The following TSC1 variants were observed in gnomAD, a reference collection of about 807,000 sequenced individuals.
The protein encoded by TSC1 is hamartin.
TSC1 carries 20 observed loss-of-function variants against 124.3 expected under a neutral mutation model. The ratio of observed to expected loss-of-function variants is 0.16; its 90% CI spans 0.11 to 0.23. The LOEUF (loss-of-function observed/expected upper bound fraction) is 0.23. TSC1 is among the 10% of genes least tolerant of loss of function. TSC1 has a pLI of 1.00. For synonymous variants in TSC1, 493 were observed against 539.1 expected (o/e 0.91, Z 1.19); for missense variants, 1,124 against 1,448.5 (o/e 0.78, Z 3.64).
intron 9 of TSC1, among the ~76,000 whole-genome samples, chr9:132,912,050 C>T (rs138950193): frequency 1.3e-5 from 2 of 152,254 alleles, no homozygotes; most frequent in East Asian, 1.9e-4. Context: ...GTTGGAGACA[C>T]GTCACCAACT....
rs572231078 is a variant in TSC1, at chr9:132,892,399, C to G, written c.*3836G>C. On this transcript the variant is annotated 3_prime_UTR_variant, in exon 23 of 23. Transcript: ENST00000298552. ...GGATACATTTTTCCAATACTTGTTGCGGGTCGGTTTTAAAGCATGTACCCT... is the reference window on the plus strand; with the variant it reads ...GGATACATTTTTCCAATACTTGTTGGGGGTCGGTTTTAAAGCATGTACCCT... The G allele has an allele frequency of 4.3e-6, 1 of 233,186 alleles. No homozygotes were observed. The highest frequency in any genetic ancestry group is 8.5e-6 in the Non-Finnish European group (1 of 118,076). 14.4% of individuals were successfully genotyped at this position (233,186 alleles called of 1,614,324 possible).
At chr9:132,941,582 TAC>T (rs1847740543) in intron 1 of TSC1, 1 of 152,238 alleles carries the variant, frequency 6.6e-6, no homozygotes, top group African/African-American at 2.4e-5. Flanking sequence ...CGCTATTAAG[TAC>T]ACTTTTCTTT....
intron 1 of TSC1, chr9:132,944,084 C>T (rs1847907721): frequency 6.5e-6 from 1 of 153,018 alleles, no homozygotes; most frequent in African/African-American, 2.4e-5. Flanking sequence ...TCCATTCATT[C>T]TCCACGCCCC....
chr9:132,919,087 G>T (rs544791986), intron 8 of TSC1, among the ~76,000 whole-genome samples: 32 of 152,188 alleles, frequency 2.1e-4, no homozygotes, highest in Non-Finnish European at 3.7e-4. Flanking sequence ...TAGGCTCCTA[G>T]GCTACAAACC....
chr9:132,944,682 T>C (rs1231201174), upstream of TSC1: 2 of 398,290 alleles, frequency 5.0e-6, no homozygotes, highest in African/African-American at 4.1e-5. Flanking sequence ...AGAGTCCCCC[T>C]CCGGACCTCC....
chr9:132,907,193 T>A, intron 13 of TSC1, 108 bp downstream of exon 13: 1 of 919,736 alleles, frequency 1.1e-6, no homozygotes, highest in South Asian at 1.4e-5. Flanking sequence ...GGCCTCAGTA[T>A]TTTGGATATC....
At position 132,923,516 on chromosome 9, in the gene TSC1, G is replaced by C. The variant is rs1450307484; in HGVS notation, c.364-24C>G. The C allele has an allele frequency of 6.2e-7, 1 of 1,613,968 alleles. No individual in the cohort carries two copies. The highest frequency in any genetic ancestry group is 8.5e-7 in the Non-Finnish European group (1 of 1,179,876). On this transcript the variant is annotated intron_variant, in intron 5 of 22. Transcript: ENST00000298552. This position sits in a 1 kb window ranked among gnomAD's most constrained non-coding sequence, Gnocchi z 4.2. The stretch of plus-strand genomic sequence containing the variant: ...ATCTGCAGGAGAAAAGGTCAAACAG[G>C]AAACGTCTGTCAGGCACTGGCACCA...
At chr9:132,920,386 G>A (rs1345755608) in intron 8 of TSC1, among the ~76,000 whole-genome samples, 7 of 152,178 alleles carry the variant, frequency 4.6e-5, no homozygotes, top group Non-Finnish European at 8.8e-5. Flanking sequence ...TGAGGTAGTA[G>A]GGAGAAAAGA....
intron 8 of TSC1, among the ~76,000 whole-genome samples, chr9:132,919,254 A>G (rs1017182250): frequency 1.3e-5 from 2 of 152,232 alleles, no homozygotes; most frequent in Non-Finnish European, 2.9e-5. Flanking sequence ...ATTGACTGAA[A>G]TGTCATTATG....
At chr9:132,933,551 A>G (rs1019133278) in intron 2 of TSC1, among the ~76,000 whole-genome samples, 2 of 152,212 alleles carry the variant, frequency 1.3e-5, no homozygotes, top group African/African-American at 4.8e-5. Flanking sequence ...CCCAGGTACA[A>G]GGTTCCTTCC....
At position 132,895,939 on chromosome 9, in the gene TSC1, G is replaced by C. The variant is rs956573450; in HGVS notation, c.*296C>G. The C allele has an allele frequency of 2.7e-4, 120 of 451,686 alleles. No individual in the cohort carries two copies. The highest frequency in any genetic ancestry group is 1.9e-3 in the African/African-American group (96 of 50,152). The allele number at this position is 451,686 out of a possible 1,614,324, so 28.0% of individuals were successfully genotyped here. ...ACAGGTTCAAAGGACGCAACCATTT[G>C]GGGGGGAAAGGAAGAAAGTAAAGCT... On this transcript the variant is annotated 3_prime_UTR_variant, in exon 23 of 23. Coordinates refer to ENST00000298552, the MANE Select transcript of TSC1 (RefSeq NM_000368.5).
chr9:132,930,063 C>T (rs575216893), intron 2 of TSC1, among the ~76,000 whole-genome samples: 1 of 152,248 alleles, frequency 6.6e-6, no homozygotes, highest in African/African-American at 2.4e-5. Flanking sequence ...GATAACACTT[C>T]CTTTTCTTTC....
At position 132,904,411 on chromosome 9, in the gene TSC1, C is replaced by T. The variant is rs118203624; in HGVS notation, c.2041G>A (p.Gly681Ser). 6.2e-7 allele frequency: 1 copy of T among 1,613,990 alleles called. No homozygotes were observed. The highest frequency in any genetic ancestry group is 8.5e-7 in the Non-Finnish European group (1 of 1,179,984). Reference protein sequence around the residue: ...SKSVDWTHFGGSPPSDEIRTL... With the variant: ...SKSVDWTHFGSSPPSDEIRTL... ...TTTGGAGCTAAAGTAACAACTTTACCTCCAAAGTGGGTCCAGTCGACAGAC... is the reference window on the plus strand; with the variant it reads ...TTTGGAGCTAAAGTAACAACTTTACTTCCAAAGTGGGTCCAGTCGACAGAC... The change falls in exon 16 of 23, where the codon GGC becomes AGC. Residue 681 changes from glycine (G) to serine (S), a missense_variant and splice_region_variant. Coordinates refer to ENST00000298552, the MANE Select transcript of TSC1 (RefSeq NM_000368.5).
chr9:132,938,094 T>G (rs1457087200), intron 1 of TSC1, among the ~76,000 whole-genome samples: 1 of 152,254 alleles, frequency 6.6e-6, no homozygotes, highest in East Asian at 1.9e-4. Context: ...ATAATGGTAC[T>G]AAATTGGTAG....
chr9:132,943,868 C>T (rs950824488), intron 1 of TSC1: 3 of 152,210 alleles, frequency 2.0e-5, no homozygotes, highest in Admixed American at 1.3e-4. Context: ...CGATTGCAGG[C>T]TCTTCATCCT....
chr9:132,905,711 T>C lies in TSC1; in HGVS notation c.1867A>G (p.Lys623Glu). Residue 623 changes from lysine (K) to glutamate (E), a missense_variant, in exon 15 of 23, where the codon AAG becomes GAG. Physicochemically the swap from Lys to Glu is moderately conservative, Grantham distance 56 (BLOSUM62 1). Coordinates refer to ENST00000298552, the MANE Select transcript of TSC1 (RefSeq NM_000368.5). ...GCTTTCTTTAACAGCTCCTCAGTCT[T>C]CCTGATGACAAAATGATGGGCTGTC... ...PKTAHHFVIR[K>E]TEELLKKAKG... 1 of 1,614,120 alleles carries C rather than the reference T, an allele frequency of 6.2e-7. No homozygotes were observed. The highest frequency in any genetic ancestry group is 8.5e-7 in the Non-Finnish European group (1 of 1,180,028).
intron 8 of TSC1, among the ~76,000 whole-genome samples, chr9:132,913,142 T>A (rs1846057541): frequency 6.6e-6 from 1 of 152,142 alleles, no homozygotes; most frequent in South Asian, 2.1e-4. Flanking sequence ...TTGTTGCTCA[T>A]GCTGGTCTCG....
Position 132,891,965 on chromosome 9 carries a change from A to G in TSC1, c.*4270T>C. On this transcript the variant is annotated 3_prime_UTR_variant, in exon 23 of 23. Coordinates refer to ENST00000298552, the MANE Select transcript of TSC1 (RefSeq NM_000368.5). ...GGTTAAACCAGCCTACTTATCTCAG[A>G]GGATGGATAATGTGGCGCTGCGAAG... 1 of 233,186 alleles carries G rather than the reference A, an allele frequency of 4.3e-6. No homozygotes were observed. Among genetic ancestry groups the G allele is most frequent in the Non-Finnish European group, 8.5e-6 (1 of 117,922 alleles). 14.4% of individuals were successfully genotyped at this position (233,186 alleles called of 1,614,324 possible). A position where few individuals can be genotyped will look rare whatever the true frequency, so the allele number is the denominator to read the frequency against.
Position 132,901,687 on chromosome 9 carries a change from C to T in TSC1, c.2404G>A (p.Asp802Asn). The T allele has an allele frequency of 6.2e-7, 1 of 1,613,974 alleles. No homozygotes were observed. The highest frequency in any genetic ancestry group is 8.5e-7 in the Non-Finnish European group (1 of 1,180,020). ...QSQELQTKLE[D>N]CRNMIAELRI... ...AGCTCCGCAATCATGTTCCTGCAGTCCTCCAGCTTCGTCTGCCCAAAGAGA... is the reference window on the plus strand; with the variant it reads ...AGCTCCGCAATCATGTTCCTGCAGTTCTCCAGCTTCGTCTGCCCAAAGAGA... Residue 802 changes from aspartate (D) to asparagine (N), a missense_variant, in exon 19 of 23, where the codon GAC becomes AAC. Asp to Asn is a conservative substitution (Grantham distance 23). Transcript: ENST00000298552.
Sources: gnomAD v4.1 joint callset for allele counts (sites outside exome capture counted in the v4.1 genomes callset) on GRCh38, gnomAD v4.1.1 for gene constraint, Gnocchi (gnomAD v3.1) non-coding constraint, MANE v1.5 for transcripts, NCBI Gene and HGNC (gene_info 2026-07-23, HGNC 2026-07-21) for gene names.